Variants in CLEC7A observed in about 807,000 individuals in gnomAD.
CLEC7A encodes C-type lectin domain containing 7A.
Under a neutral mutation model 26.9 loss-of-function variants are expected in CLEC7A, and 25 were observed. The ratio of observed to expected loss-of-function variants is 0.93; its 90% confidence interval spans 0.68 to 1.30. The LOEUF (loss-of-function observed/expected upper bound fraction) is 1.30, where lower values mean the gene tolerates loss of function less well. Ranked by LOEUF, CLEC7A falls within the 50% of genes most tolerant of loss-of-function variation. The probability of loss-of-function intolerance (pLI) is 0.00; values close to 1 mark genes in which losing one functional copy is unlikely to be tolerated. For synonymous variants in CLEC7A, 100 were observed against 99.5 expected (o/e 1.01, Z -0.03); for missense variants, 275 against 286.7 (o/e 0.96, Z 0.29).
At position 10,130,155 on chromosome 12, in the gene CLEC7A, T is replaced by C; in HGVS notation, c.-73A>G. On this transcript the variant is annotated 5_prime_UTR_variant, in exon 1 of 6. Transcript: ENST00000304084. The stretch of plus-strand genomic sequence containing the variant: ...TTTCTGCTCCTGAGATGACTGTCTG[T>C]GGACAAAAGAGAATCTCTGAGTCAA... 1 of 702,168 alleles carries C rather than the reference T, an allele frequency of 1.4e-6. No homozygotes were observed. The highest frequency in any genetic ancestry group is 2.5e-6 in the Non-Finnish European group (1 of 398,650). 43.5% of individuals were successfully genotyped at this position (702,168 alleles called of 1,614,324 possible).
chr12:10,124,574 G>A (rs899579104), intron 4 of CLEC7A, among the ~76,000 whole-genome samples: 14 of 152,026 alleles, frequency 9.2e-5, no homozygotes, highest in Non-Finnish European at 1.5e-4. Flanking sequence ...TGTGATAGCA[G>A]GGTTATGTTT....
chr12:10,126,275 A>C, intron 3 of CLEC7A: 6 of 982,456 alleles, frequency 6.1e-6, no homozygotes, highest in Non-Finnish European at 6.0e-6. Context: ...ATTTGTATCA[A>C]ATTATATGAT....
At chr12:10,126,143 G>C in intron 3 of CLEC7A, 1 of 977,506 alleles carries the variant, frequency 1.0e-6, no homozygotes, top group Non-Finnish European at 1.2e-6. Flanking sequence ...CCTTATTCTT[G>C]GCAACATTTT....
Position 10,130,022 on chromosome 12 carries a change from C to G in CLEC7A, c.61G>C (p.Asp21His). 1.2e-6 allele frequency: 2 copies of G among 1,611,482 alleles called. No individual in the cohort carries two copies. The highest frequency in any genetic ancestry group is 1.7e-6 in the Non-Finnish European group (2 of 1,177,718). ...DEDGYTQLHF[D>H]SQSNTRIAVV... is the part of the protein sequence containing the mutation. Reference sequence around the variant, plus strand: ...GCTATCCTGGTATTGCTTTGAGAGTCGAAGTGTAATTGAGTATATCCATCT... The same window carrying G: ...GCTATCCTGGTATTGCTTTGAGAGTGGAAGTGTAATTGAGTATATCCATCT... Residue 21 changes from aspartate to histidine, a missense_variant, in exon 1 of 6, where the codon GAC becomes CAC. Asp to His is a moderately conservative substitution (Grantham distance 81). Transcript: ENST00000304084.
intron 1 of CLEC7A, 98 bp from the exon 2 acceptor site, chr12:10,127,943 G>T (rs1204043756): frequency 1.3e-6 from 1 of 787,744 alleles, no homozygotes; most frequent in Non-Finnish European, 2.0e-6. Flanking sequence ...GGCCTTGCAC[G>T]GTGGCTCACA....
chr12:10,121,247 G>C (rs953124900), intron 5 of CLEC7A, among the ~76,000 whole-genome samples: 1 of 147,020 alleles, frequency 6.8e-6, no homozygotes, highest in African/African-American at 2.5e-5. Context: ...AGATGTAAAA[G>C]ACATGAAAGA....
intron 3 of CLEC7A, 66 bp downstream of exon 3, chr12:10,126,505 C>T: frequency 1.3e-6 from 2 of 1,515,616 alleles, no homozygotes; most frequent in East Asian, 2.4e-5. Flanking sequence ...ACACCCCTGC[C>T]CCAGGCTTCA....
At chr12:10,122,472 CTTT>C (rs904323533) in intron 5 of CLEC7A, among the ~76,000 whole-genome samples, 1 of 141,550 alleles carries the variant, frequency 7.1e-6, no homozygotes, top group Non-Finnish European at 1.5e-5. Flanking sequence ...GGAAAGCACT[CTTT>C]CTTTTTTTCT....
chr12:10,126,927 AG>A (rs533867725), intron 2 of CLEC7A: 29,010 of 794,296 alleles, frequency 0.037, 661 homozygotes, highest in African/African-American at 0.061. Context: ...AAAAAAAAAA[AG>A]AAAAGAAAAA....
intron 2 of CLEC7A, 157 bp downstream of exon 2, chr12:10,127,590 G>A (rs1948335384): frequency 1.1e-6 from 1 of 949,348 alleles, no homozygotes; most frequent in African/African-American, 1.6e-5. Context: ...CCCTTTATAA[G>A]TGAAATGGGC....
At chr12:10,120,192 G>A (rs1280317803) in intron 5 of CLEC7A, among the ~76,000 whole-genome samples, 1 of 152,152 alleles carries the variant, frequency 6.6e-6, no homozygotes, top group African/African-American at 2.4e-5. Context: ...GAAACATATA[G>A]GATGGTGTCA....
chr12:10,126,099 G>C, intron 3 of CLEC7A: 1 of 799,784 alleles, frequency 1.3e-6, no homozygotes, highest in Non-Finnish European at 1.5e-6. Flanking sequence ...ATGTGTATTA[G>C]GTCTACCTCT....
chr12:10,125,087 C>G lies in CLEC7A; in HGVS notation c.492+210G>C. ...GTGGTGGTGCACCCTGTAGTCCTAC[C>G]TACTCAGGAAGCTGAGGTGGGAGGA... On this transcript the variant is annotated intron_variant, in intron 4 of 5. Coordinates refer to ENST00000304084, the MANE Select transcript of CLEC7A (RefSeq NM_197947.3). The G allele has an allele frequency of 6.3e-6, 4 of 630,124 alleles. No homozygotes were observed. The Admixed American group carries it at 9.4e-5, about 15-fold the overall frequency. The allele number at this position is 630,124 out of a possible 1,614,324, so 39.0% of individuals were successfully genotyped here. A position where few individuals can be genotyped will look rare whatever the true frequency, so the allele number is the denominator to read the frequency against.
At chr12:10,124,423 A>G (rs1029537140) in intron 4 of CLEC7A, among the ~76,000 whole-genome samples, 61 of 152,232 alleles carry the variant, frequency 4.0e-4, no homozygotes, top group African/African-American at 1.2e-3. Flanking sequence ...ATGATGTGTT[A>G]TAAGTGCCAC....
rs771406474 is a variant in CLEC7A, at chr12:10,123,406, G to GAA, written c.493-44_493-43insTT. Reference sequence around the variant, plus strand: ...CAAATATATAATAAAGAGAGAGAGAGAGAGAGAAAGAAACTATTATCATGG... The same window carrying GAA: ...CAAATATATAATAAAGAGAGAGAGAGAAAGAGAGAAAGAAACTATTATCATGG... On this transcript the variant is annotated intron_variant, in intron 4 of 5. Transcript: ENST00000304084. 8.8e-5 allele frequency: 99 copies of GAA among 1,119,810 alleles called. 1 individual carries two copies. Among genetic ancestry groups the GAA allele is most frequent in the African/African-American group, 1.3e-4 (8 of 63,828 alleles). 69.4% of individuals were successfully genotyped at this position (1,119,810 alleles called of 1,614,324 possible). A position where few individuals can be genotyped will look rare whatever the true frequency, so the allele number is the denominator to read the frequency against.
chr12:10,127,198 A>T lies in CLEC7A; in HGVS notation c.203-490T>A, dbSNP rs1201343675. 6 of 1,129,386 alleles carry T rather than the reference A, an allele frequency of 5.3e-6. No homozygotes were observed. The East Asian group carries it at 1.3e-4, about 24-fold the overall frequency. 70.0% of individuals were successfully genotyped at this position (1,129,386 alleles called of 1,614,324 possible). A position where few individuals can be genotyped will look rare whatever the true frequency, so the allele number is the denominator to read the frequency against. On this transcript the variant is annotated intron_variant, in intron 2 of 5. Transcript: ENST00000304084. ...GCATGTGATATAAAATGTAAAAAAA[A>T]TATTAATCCATTACAAAATATCGAC...
chr12:10,117,479 G>A lies in CLEC7A; in HGVS notation c.*979C>T, dbSNP rs1195519059. 1 of 146,288 alleles carries A rather than the reference G, an allele frequency of 6.8e-6. No individual in the cohort carries two copies. The highest frequency in any genetic ancestry group is 6.9e-5 in the Admixed American group (1 of 14,414). The allele number at this position is 146,288 out of a possible 1,614,324, so 9.1% of individuals were successfully genotyped here. A position where few individuals can be genotyped will look rare whatever the true frequency, so the allele number is the denominator to read the frequency against. On this transcript the variant is annotated 3_prime_UTR_variant, in exon 6 of 6. Coordinates refer to ENST00000304084, the MANE Select transcript of CLEC7A (RefSeq NM_197947.3). ...CAGGGGGCGGAGGTTGCGGTGAGCCGAGATCGTGCCGTTGCACTCCAGCCT... is the reference window on the plus strand; with the variant it reads ...CAGGGGGCGGAGGTTGCGGTGAGCCAAGATCGTGCCGTTGCACTCCAGCCT...
Position 10,118,998 on chromosome 12 carries a change from C to T in CLEC7A, c.612-408G>A, listed in dbSNP as rs117474959. 8.0e-4 allele frequency among the ~76,000 whole-genome samples: 122 copies of T among 152,010 alleles called. 1 individual carries two copies. The East Asian group carries it at 0.02, about 25-fold the overall frequency. On this transcript the variant is annotated intron_variant, in intron 5 of 5. Coordinates refer to ENST00000304084, the MANE Select transcript of CLEC7A (RefSeq NM_197947.3). The stretch of plus-strand genomic sequence containing the variant: ...AGTAGACCAAGCAGAAGCATTAATG[C>T]TAAAACAGATCTAGAACTAAAAAGA...
At chr12:10,120,786 G>A (rs911790944) in intron 5 of CLEC7A, among the ~76,000 whole-genome samples, 3 of 147,404 alleles carry the variant, frequency 2.0e-5, no homozygotes, top group Non-Finnish European at 3.0e-5. Flanking sequence ...ACTGAGTCTG[G>A]CTCAGTCACC....
Sources: allele counts gnomAD v4.1 joint callset (sites outside exome capture counted in the v4.1 genomes callset), GRCh38; gene constraint gnomAD v4.1.1; transcripts MANE v1.5; gene names NCBI Gene and HGNC (gene_info 2026-07-23, HGNC 2026-07-21).